The following DMD variants were observed in gnomAD, a reference collection of about 807,000 sequenced individuals.
DMD encodes mutant dystrophin.
DMD carries 63 observed loss-of-function variants against 330.1 expected under a neutral mutation model. The observed-to-expected ratio is 0.19, with a 90% CI of 0.16 to 0.24. The LOEUF (loss-of-function observed/expected upper bound fraction) is 0.24. Ranked by LOEUF, DMD falls within the 10% of genes least tolerant of loss-of-function variation. The pLI, the probability that DMD is intolerant of heterozygous loss-of-function variation, is 1.00. For synonymous variants in DMD, 1,223 were observed against 959.8 expected (o/e 1.27, Z -5.07); for missense variants, 3,344 against 2,684.1 (o/e 1.25, Z -5.43).
At chrX:31,357,201 T>C (rs2058719650) in intron 60 of DMD, among the ~76,000 whole-genome samples, 2 of 111,307 alleles carry the variant, frequency 1.8e-5, no homozygotes, top group Admixed American at 1.9e-4. Flanking sequence ...CACAGAAATT[T>C]TCTGAGGCCA....
chrX:31,651,481 C>G (rs985384839), intron 54 of DMD, among the ~76,000 whole-genome samples: 3 of 111,560 alleles, frequency 2.7e-5, no homozygotes, highest in African/African-American at 9.8e-5. Context: ...TGTTACAACT[C>G]CCAACTTTGT....
chrX:31,362,818 C>T (rs751392726), intron 60 of DMD, among the ~76,000 whole-genome samples: 7 of 112,110 alleles, frequency 6.2e-5, no homozygotes, highest in African/African-American at 1.6e-4. Flanking sequence ...GGCATGGTGG[C>T]GGGCACCTGT....
chrX:32,460,309 T>C (rs2098379100), intron 25 of DMD, among the ~76,000 whole-genome samples: 1 of 110,417 alleles, frequency 9.1e-6, no homozygotes. Flanking sequence ...GAGAACAGCA[T>C]GGAGGTTCCT....
rs767761345 is a variant in DMD at position 32,454,470 on chromosome X, A to C, written c.3603+192T>G. On this transcript the variant is annotated intron_variant, in intron 26 of 78. Coordinates refer to ENST00000357033, the MANE Select transcript of DMD (RefSeq NM_004006.3). ...TTTTCATAATTGACCACAATGCATT[A>C]AAATTAAACAGTTTAAGGTTGTTAA... is the stretch of plus-strand genomic sequence containing the variant. Among the ~76,000 whole-genome samples, 10 of 110,988 alleles carry C rather than the reference A, an allele frequency of 9.0e-5. No individual in the cohort carries two copies. The South Asian group carries it at 3.7e-3, about 41-fold the overall frequency.
intron 7 of DMD, among the ~76,000 whole-genome samples, chrX:32,732,767 A>C (rs1007931727): frequency 1.8e-5 from 2 of 110,442 alleles, no homozygotes; most frequent in South Asian, 3.9e-4. Context: ...AGGAAGCGCT[A>C]AACATGGAAA....
intron 44 of DMD, among the ~76,000 whole-genome samples, chrX:32,088,934 C>A (rs1476538653): frequency 2.7e-5 from 3 of 111,656 alleles, no homozygotes; most frequent in Non-Finnish European, 3.8e-5. Flanking sequence ...TAAAGGCAAG[C>A]AAGACAAGGT....
intron 52 of DMD, among the ~76,000 whole-genome samples, chrX:31,682,587 T>C (rs1306811274): frequency 8.9e-6 from 1 of 112,537 alleles, no homozygotes; most frequent in Admixed American, 9.4e-5. Context: ...TTTCAACTTA[T>C]CATAGCAGGC....
chrX:32,843,935 C>G (rs757402297), intron 4 of DMD, among the ~76,000 whole-genome samples: 1 of 112,216 alleles, frequency 8.9e-6, no homozygotes, highest in African/African-American at 3.2e-5. Context: ...AAAAACAAAT[C>G]TGCCATTCAT....
chrX:32,061,782 G>C (rs910336048), intron 44 of DMD, among the ~76,000 whole-genome samples: 2 of 111,199 alleles, frequency 1.8e-5, no homozygotes, highest in African/African-American at 6.5e-5. Flanking sequence ...TCTATAGCTA[G>C]AGCAACACCA....
chrX:32,749,772 TATC>T (rs760374842), intron 7 of DMD, among the ~76,000 whole-genome samples: 6 of 112,304 alleles, frequency 5.3e-5, no homozygotes, highest in East Asian at 5.6e-4. Flanking sequence ...TACGTAAAAT[TATC>T]ATGTCTGTAA....
At chrX:32,771,894 A>G (rs2073648281) in intron 7 of DMD, among the ~76,000 whole-genome samples, 2 of 111,844 alleles carry the variant, frequency 1.8e-5, no homozygotes, top group Non-Finnish European at 3.8e-5. Flanking sequence ...GTTAAATGAA[A>G]CCATTCCAAG....
At chrX:31,744,013 G>A (rs2087601795) in intron 51 of DMD, among the ~76,000 whole-genome samples, 1 of 110,754 alleles carries the variant, frequency 9.0e-6, no homozygotes, top group Non-Finnish European at 1.9e-5. Context: ...ACAGCCATGT[G>A]CCACCATGCC....
chrX:33,060,105 G>C (rs1379904576), intron 1 of DMD, among the ~76,000 whole-genome samples: 1 of 111,537 alleles, frequency 9.0e-6, no homozygotes, highest in Non-Finnish European at 1.9e-5. Context: ...CATCTCAATA[G>C]GTATAGGGAC....
chrX:32,273,809 G>A (rs2405688), intron 43 of DMD, among the ~76,000 whole-genome samples: 11,828 of 111,639 alleles, frequency 0.11, 662 homozygotes, highest in Non-Finnish European at 0.15. Context: ...AGAAATGAGC[G>A]GGGCCAACAT....
intron 1 of DMD, among the ~76,000 whole-genome samples, chrX:33,237,238 TTTTC>T (rs1197617201): frequency 1.1e-5 from 1 of 93,411 alleles, no homozygotes; most frequent in Non-Finnish European, 2.1e-5. Context: ...CCCTCTTTCT[TTTTC>T]TTTCTCTCTT....
chrX:32,574,815 A>T (rs987886955), intron 13 of DMD, among the ~76,000 whole-genome samples: 8 of 111,596 alleles, frequency 7.2e-5, no homozygotes. Flanking sequence ...TTTATACTAC[A>T]TATGTGTATT....
At chrX:33,058,851 G>GT (rs1409193923) in intron 1 of DMD, among the ~76,000 whole-genome samples, 1 of 111,350 alleles carries the variant, frequency 9.0e-6, no homozygotes, top group Non-Finnish European at 1.9e-5. Flanking sequence ...CTATTCAAAT[G>GT]TTTTTTACCA....
At chrX:31,761,408 A>G (rs2089581776) in intron 51 of DMD, among the ~76,000 whole-genome samples, 1 of 111,374 alleles carries the variant, frequency 9.0e-6, no homozygotes, top group Admixed American at 9.6e-5. Flanking sequence ...AGAAGGAAAA[A>G]AAAGTGTTAC....
intron 2 of DMD, among the ~76,000 whole-genome samples, chrX:32,861,173 T>C (rs1320554732): frequency 1.8e-5 from 2 of 112,067 alleles, no homozygotes; most frequent in Non-Finnish European, 3.8e-5. Context: ...TTAAGTGAAC[T>C]TAGTATGGCA....
Sources: gnomAD v4.1 joint callset for allele counts (sites outside exome capture counted in the v4.1 genomes callset) on GRCh38, gnomAD v4.1.1 for gene constraint, MANE v1.5 for transcripts, NCBI Gene and HGNC (gene_info 2026-07-23, HGNC 2026-07-21) for gene names.